HIGD1C: variants seen among roughly 807,000 people sequenced by gnomAD.
HIGD1C encodes the protein HIG1 hypoxia inducible domain family member 1C, also known as HIG1 domain family member 1C.
HIGD1C carries 11 observed loss-of-function variants against 13.1 expected under a neutral mutation model. The ratio of observed to expected loss-of-function variants is 0.84; its 90% CI spans 0.53 to 1.39. The LOEUF (loss-of-function observed/expected upper bound fraction) is 1.39, where lower values mean the gene tolerates loss of function less well. Among genes scored for constraint, HIGD1C ranks in the 40% most tolerant of loss-of-function variants. The probability of loss-of-function intolerance (pLI) is 0.00; values close to 1 mark genes in which losing one functional copy is unlikely to be tolerated. For missense variants in HIGD1C, 110 were observed against 112.0 expected, an observed-to-expected ratio of 0.98 and a Z score of 0.08; for synonymous variants, 36 against 37.7, an observed-to-expected ratio of 0.95 and a Z score of 0.17.
exon 3 of HIGD1C, chr12:50,970,447 C>T (rs537322590): frequency 1.4e-6 from 2 of 1,476,972 alleles, no homozygotes; most frequent in Non-Finnish European, 1.9e-6. Flanking sequence ...TCTAGGTGTT[C>T]TCTATTCTAT....
the HIGD1C span, among the ~76,000 whole-genome samples, chr12:50,938,521 C>T: frequency 6.6e-6 from 1 of 152,196 alleles, no homozygotes; most frequent in Non-Finnish European, 1.5e-5. Flanking sequence ...TGGTGCCCCA[C>T]CAACTCAGTA....
the HIGD1C span, among the ~76,000 whole-genome samples, chr12:50,940,724 A>AAAC: frequency 6.8e-6 from 1 of 147,614 alleles, no homozygotes; most frequent in Admixed American, 6.8e-5. Context: ...CCCCATCTCA[A>AAAC]AAAAAAAAAA....
chr12:50,968,593 A>G (rs1234646278), intron 2 of HIGD1C, among the ~76,000 whole-genome samples: 1 of 152,022 alleles, frequency 6.6e-6, no homozygotes, highest in Non-Finnish European at 1.5e-5. Context: ...TCTGTTGCCC[A>G]GGCTGGAGTG....
the HIGD1C span, among the ~76,000 whole-genome samples, chr12:50,942,161 CGTG>C: frequency 6.8e-4 from 104 of 152,304 alleles, 1 homozygote; most frequent in African/African-American, 2.3e-3. Flanking sequence ...GGATTACAGG[CGTG>C]AGCCACCGCA....
At chr12:50,972,338 A>G (rs939607227), downstream of HIGD1C, among the ~76,000 whole-genome samples, 1 of 152,262 alleles carries the variant, frequency 6.6e-6, no homozygotes, top group African/African-American at 2.4e-5. Context: ...GTTGCTTGAA[A>G]AAAGCAATGC....
intron 2 of HIGD1C, among the ~76,000 whole-genome samples, chr12:50,964,679 G>C (rs1241017912): frequency 1.3e-5 from 2 of 152,144 alleles, no homozygotes. Context: ...TTTAGTAAAA[G>C]ATATACAGAA....
the HIGD1C span, among the ~76,000 whole-genome samples, chr12:50,937,532 G>A: frequency 1.2e-4 from 19 of 152,262 alleles, no homozygotes; most frequent in South Asian, 3.3e-3. Context: ...GCAACGTGAC[G>A]AGCAGGAAGG....
chr12:50,948,066 AAAATT>A, the HIGD1C span, among the ~76,000 whole-genome samples: 1 of 152,204 alleles, frequency 6.6e-6, no homozygotes, highest in Non-Finnish European at 1.5e-5. Flanking sequence ...TTTCAAAAAG[AAAATT>A]AGGCTGCATT....
the HIGD1C span, among the ~76,000 whole-genome samples, chr12:50,939,433 C>G: frequency 6.6e-6 from 1 of 152,196 alleles, no homozygotes; most frequent in Non-Finnish European, 1.5e-5. Flanking sequence ...GAGGCATGAG[C>G]CACTGCACCT....
At chr12:50,934,073 C>T in the HIGD1C span, among the ~76,000 whole-genome samples, 2 of 152,220 alleles carry the variant, frequency 1.3e-5, no homozygotes, top group African/African-American at 2.4e-5. Flanking sequence ...TTGCTAAATG[C>T]TCCTTGGTTG....
the HIGD1C span, among the ~76,000 whole-genome samples, chr12:50,947,962 A>T: frequency 6.6e-6 from 1 of 152,344 alleles, no homozygotes; most frequent in East Asian, 1.9e-4. Context: ...TAAATATGAA[A>T]GACAAGATGA....
the HIGD1C span, among the ~76,000 whole-genome samples, chr12:50,948,577 T>C: frequency 6.6e-6 from 1 of 151,356 alleles, no homozygotes; most frequent in Non-Finnish European, 1.5e-5. Flanking sequence ...CCTTCAATAA[T>C]ATAAAAACAC....
upstream of HIGD1C, among the ~76,000 whole-genome samples, chr12:50,952,110 T>C (rs866150): frequency 6.8e-6 from 1 of 146,708 alleles, no homozygotes. Flanking sequence ...GGACAACTGG[T>C]GAATATGAAT....
At chr12:50,969,887 C>T (rs936305988) in intron 2 of HIGD1C, among the ~76,000 whole-genome samples, 3 of 152,024 alleles carry the variant, frequency 2.0e-5, no homozygotes, top group African/African-American at 7.2e-5. Flanking sequence ...TGGGTGAGAA[C>T]ATTTGCTGAC....
At chr12:50,963,176 C>A (rs889107240) in intron 2 of HIGD1C, among the ~76,000 whole-genome samples, 1 of 151,522 alleles carries the variant, frequency 6.6e-6, no homozygotes, top group African/African-American at 2.4e-5. Flanking sequence ...TTGAGACAAG[C>A]CTGGTCAACA....
chr12:50,947,625 T>C, the HIGD1C span, among the ~76,000 whole-genome samples: 1 of 152,158 alleles, frequency 6.6e-6, no homozygotes, highest in African/African-American at 2.4e-5. Context: ...CAACCTTAAT[T>C]TCCCTTTGCC....
At chr12:50,944,421 C>G in the HIGD1C span, among the ~76,000 whole-genome samples, 1 of 152,088 alleles carries the variant, frequency 6.6e-6, no homozygotes, top group Non-Finnish European at 1.5e-5. Flanking sequence ...TTTGGGAAGA[C>G]AAGGAGGGCA....
chr12:50,936,250 C>T, the HIGD1C span, among the ~76,000 whole-genome samples: 2 of 151,586 alleles, frequency 1.3e-5, no homozygotes, highest in African/African-American at 2.4e-5. Context: ...TAATAATTTC[C>T]ATTTCTTAAG....
the HIGD1C span, among the ~76,000 whole-genome samples, chr12:50,941,633 G>T: frequency 1.3e-5 from 2 of 152,082 alleles, no homozygotes; most frequent in Non-Finnish European, 2.9e-5. Flanking sequence ...CATTTCAGGA[G>T]GAAACAGATA....
Sources: gnomAD v4.1 joint callset for allele counts (sites outside exome capture counted in the v4.1 genomes callset) on GRCh38, gnomAD v4.1.1 for gene constraint, MANE v1.5 for transcripts, NCBI Gene and HGNC (gene_info 2026-07-23, HGNC 2026-07-21) for gene names.